ATF7: variants seen among roughly 807,000 people sequenced by gnomAD.
The protein encoded by ATF7 is activating transcription factor 7.
Under a neutral mutation model 50.4 loss-of-function variants are expected in ATF7, and 10 were observed. The ratio of observed to expected loss-of-function variants is 0.20; its 90% CI spans 0.12 to 0.34. ATF7 has a LOEUF of 0.34. ATF7 is among the 10% of genes least tolerant of loss of function. The pLI is 1.00. For synonymous variants in ATF7, 201 were observed against 226.4 expected (o/e 0.89, Z 1.01); for missense variants, 465 against 613.9 (o/e 0.76, Z 2.56).
intron 2 of ATF7, among the ~76,000 whole-genome samples, chr12:53,573,109 C>T (rs567363948): frequency 1.4e-4 from 21 of 150,436 alleles, no homozygotes; most frequent in African/African-American, 5.1e-4. Flanking sequence ...AAGATGAGTA[C>T]AGTACAATAA....
intron 1 of ATF7, among the ~76,000 whole-genome samples, chr12:53,606,565 A>C (rs907900344): frequency 6.6e-6 from 1 of 151,566 alleles, no homozygotes; most frequent in African/African-American, 2.4e-5. Flanking sequence ...TTTTTTTTTA[A>C]ATTTTAATAT....
chr12:53,622,014 G>GTT (rs1330304576), intron 1 of ATF7, among the ~76,000 whole-genome samples: 1 of 151,848 alleles, frequency 6.6e-6, no homozygotes, highest in African/African-American at 2.4e-5. Flanking sequence ...TTAAGAAATC[G>GTT]TACGGGCTGG....
intron 2 of ATF7, among the ~76,000 whole-genome samples, chr12:53,579,720 G>T (rs2137687692): frequency 6.6e-6 from 1 of 152,224 alleles, no homozygotes. Context: ...CCCTCTGCAG[G>T]ATCTTCAATA....
At chr12:53,580,612 G>A (rs1413334650) in intron 2 of ATF7, among the ~76,000 whole-genome samples, 1 of 146,622 alleles carries the variant, frequency 6.8e-6, no homozygotes, top group Non-Finnish European at 1.5e-5. Flanking sequence ...TGCAGTGAGC[G>A]GAGATCACGC....
downstream of ATF7, among the ~76,000 whole-genome samples, chr12:53,509,445 C>CT (rs1168402570): frequency 6.6e-6 from 1 of 151,046 alleles, no homozygotes; most frequent in Non-Finnish European, 1.5e-5. Flanking sequence ...CATCTCATCT[C>CT]TTTCATGTGT....
intron 4 of ATF7, among the ~76,000 whole-genome samples, chr12:53,542,237 A>G (rs983852177): frequency 4.0e-5 from 6 of 150,640 alleles, no homozygotes; most frequent in Non-Finnish European, 7.4e-5. Flanking sequence ...CATCCTGGCT[A>G]ACACGGTGAA....
In ATF7 at chr12:53,623,916, G is replaced by A. The variant is rs1204446656; in HGVS notation, c.-22+2363C>T. 7.9e-5 allele frequency among the ~76,000 whole-genome samples: 12 copies of A among 152,168 alleles called. 1 individual carries two copies. Among genetic ancestry groups the A allele is most frequent in the Admixed American group, 5.9e-4 (9 of 15,260 alleles). ...GTAGAGCTATTAACATTTTAAAACC[G>A]TGGTAAACAAACGTGTTTAAAAATT... On this transcript the variant is annotated intron_variant, in intron 1 of 11. Coordinates refer to ENST00000420353, the MANE Select transcript of ATF7 (RefSeq NM_006856.3).
chr12:53,539,835 G>A (rs557809377), intron 4 of ATF7, among the ~76,000 whole-genome samples: 2 of 152,326 alleles, frequency 1.3e-5, no homozygotes, highest in South Asian at 2.1e-4. Context: ...TTGGGAAGCT[G>A]AGGCTAGTGG....
chr12:53,594,365 T>C (rs1296591290), intron 2 of ATF7, among the ~76,000 whole-genome samples: 1 of 152,228 alleles, frequency 6.6e-6, no homozygotes, highest in African/African-American at 2.4e-5. Flanking sequence ...CTTAATTTCC[T>C]GCGTGTAGTA....
chr12:53,605,389 C>CA (rs11433998), intron 1 of ATF7, among the ~76,000 whole-genome samples: 65,616 of 101,880 alleles, frequency 0.64, 20,247 homozygotes, highest in Middle Eastern at 0.7. Flanking sequence ...AATTCTGTCT[C>CA]AAAAAAAAAA....
At chr12:53,583,980 T>A (rs188534764) in intron 2 of ATF7, among the ~76,000 whole-genome samples, 17 of 152,184 alleles carry the variant, frequency 1.1e-4, no homozygotes, top group African/African-American at 4.1e-4. Context: ...CAGATAATTG[T>A]TATTAGTATT....
intron 2 of ATF7, among the ~76,000 whole-genome samples, chr12:53,587,820 C>CATATATATATATATATATATATATATAT (rs1242121330): frequency 1.3e-4 from 9 of 67,026 alleles, no homozygotes; most frequent in Non-Finnish European, 2.0e-4. Flanking sequence ...TATACTTCTA[C>CATATATATATATATATATATATATATAT]ATATATATAT....
intron 2 of ATF7, among the ~76,000 whole-genome samples, chr12:53,586,127 T>C (rs1284747800): frequency 6.6e-6 from 1 of 152,164 alleles, no homozygotes; most frequent in Non-Finnish European, 1.5e-5. Context: ...CTATCCACTA[T>C]TGCAATTATC....
intron 2 of ATF7, among the ~76,000 whole-genome samples, chr12:53,559,214 T>C (rs1204963939): frequency 6.7e-6 from 1 of 149,980 alleles, no homozygotes; most frequent in Non-Finnish European, 1.5e-5. Flanking sequence ...TAAGATTTTT[T>C]TACTTTTTTC....
chr12:53,598,865 C>T (rs1031665657), intron 2 of ATF7, among the ~76,000 whole-genome samples: 1 of 151,848 alleles, frequency 6.6e-6, no homozygotes, highest in Non-Finnish European at 1.5e-5. Context: ...GTAGTTTAAA[C>T]AATAAGTGAA....
At chr12:53,569,871 G>C (rs1941653968) in intron 2 of ATF7, among the ~76,000 whole-genome samples, 1 of 152,078 alleles carries the variant, frequency 6.6e-6, no homozygotes, top group African/African-American at 2.4e-5. Flanking sequence ...TAGAGACGGG[G>C]TTTCACCATA....
chr12:53,579,586 A>C (rs1198534000), intron 2 of ATF7, among the ~76,000 whole-genome samples: 2 of 151,092 alleles, frequency 1.3e-5, no homozygotes, highest in Non-Finnish European at 1.5e-5. Context: ...AGTGTGCGTA[A>C]TTGTGTTTGA....
intron 2 of ATF7, among the ~76,000 whole-genome samples, chr12:53,587,832 TA>T (rs1942767088): frequency 6.6e-5 from 3 of 45,348 alleles, no homozygotes; most frequent in Admixed American, 6.7e-4. Flanking sequence ...TATATATATA[TA>T]TATATATATA....
intron 2 of ATF7, among the ~76,000 whole-genome samples, chr12:53,560,141 C>T (rs780248437): frequency 5.9e-5 from 9 of 152,084 alleles, no homozygotes; most frequent in Non-Finnish European, 1.3e-4. Context: ...CCAGGTTGGT[C>T]TTGAACTCCT....
Sources: gnomAD v4.1 joint callset for allele counts (sites outside exome capture counted in the v4.1 genomes callset) on GRCh38, gnomAD v4.1.1 for gene constraint, MANE v1.5 for transcripts, NCBI Gene and HGNC (gene_info 2026-07-23, HGNC 2026-07-21) for gene names.